RBFOX1: variants seen among roughly 807,000 people sequenced by gnomAD.
The protein encoded by RBFOX1 is RNA binding fox-1 homolog 1, also known as RNA binding protein fox-1 homolog 1.
RBFOX1 carries 8 observed loss-of-function variants against 57.7 expected under a neutral mutation model. The observed-to-expected ratio is 0.14, with a 90% CI of 0.08 to 0.25. The LOEUF is 0.25. Ranked by LOEUF, RBFOX1 falls within the 10% of genes least tolerant of loss-of-function variation. The pLI is 1.00. For missense variants in RBFOX1, 611 were observed against 548.5 expected, an observed-to-expected ratio of 1.11 and a Z score of -1.14; for synonymous variants, 326 against 222.4, an observed-to-expected ratio of 1.47 and a Z score of -4.15.
chr16:6,905,866 C>T (rs957266907), intron 3 of RBFOX1, among the ~76,000 whole-genome samples: 1 of 152,206 alleles, frequency 6.6e-6, no homozygotes, highest in Admixed American at 6.5e-5. Flanking sequence ...CCCTGGCCCT[C>T]TGCTGATCCC....
chr16:6,512,460 G>A (rs1567508153), intron 2 of RBFOX1, among the ~76,000 whole-genome samples: 1 of 152,130 alleles, frequency 6.6e-6, no homozygotes, highest in African/African-American at 2.4e-5. Context: ...ATAGGTCATG[G>A]AGTTGAGGGG....
intron 4 of RBFOX1, among the ~76,000 whole-genome samples, chr16:5,907,941 G>A: frequency 6.6e-6 from 1 of 151,630 alleles, no homozygotes; most frequent in East Asian, 1.9e-4. Flanking sequence ...AGTAGAGACT[G>A]GATTTCACTA....
At chr16:6,637,501 ATAT>A (rs200965770) in intron 2 of RBFOX1, among the ~76,000 whole-genome samples, 56,335 of 93,082 alleles carry the variant, frequency 0.61, 18,427 homozygotes, top group South Asian at 0.83. Context: ...ATTATATATA[ATAT>A]TCTATATAGT....
At chr16:5,562,222 C>T (rs78921368) in intron 2 of RBFOX1, among the ~76,000 whole-genome samples, 2,565 of 152,236 alleles carry the variant, frequency 0.017, 83 homozygotes, top group African/African-American at 0.058. Flanking sequence ...TCCGAGGACA[C>T]CATCCGTGGC....
chr16:7,149,953 T>C (rs890068280), intron 4 of RBFOX1, among the ~76,000 whole-genome samples: 1 of 152,194 alleles, frequency 6.6e-6, no homozygotes, highest in Non-Finnish European at 1.5e-5. Flanking sequence ...TGCCATGTTT[T>C]TCTCATACTC....
chr16:6,778,386 C>T (rs922648926), intron 3 of RBFOX1, among the ~76,000 whole-genome samples: 1 of 152,134 alleles, frequency 6.6e-6, no homozygotes, highest in African/African-American at 2.4e-5. Flanking sequence ...TATATCCCCA[C>T]TTGTTTTCTC....
In RBFOX1 at chr16:6,021,431, G is replaced by A. The variant is rs542272382; in HGVS notation, c.-127+1439G>A. Among the ~76,000 whole-genome samples the A allele has an allele frequency of 3.4e-3, 512 of 152,260 alleles. 2 individuals carry two copies. Among genetic ancestry groups the A allele is most frequent in the Admixed American group, 6.3e-3 (96 of 15,292 alleles). On this transcript the variant is annotated intron_variant, in intron 1 of 15. Coordinates refer to ENST00000550418, the MANE Select transcript of RBFOX1 (RefSeq NM_018723.4). ...GAGGCCCCGGCTGGAGCTACTGGCA[G>A]ATTTATTTTTAGCTAAGATCTTTTA...
intron 4 of RBFOX1, among the ~76,000 whole-genome samples, chr16:7,194,740 G>A (rs952246163): frequency 1.3e-4 from 19 of 150,794 alleles, no homozygotes; most frequent in African/African-American, 4.2e-4. Flanking sequence ...CCAGCCTGGG[G>A]AATATAGTCA....
intron 4 of RBFOX1, among the ~76,000 whole-genome samples, chr16:5,954,262 C>T (rs72770950): frequency 2.6e-5 from 4 of 151,968 alleles, no homozygotes; most frequent in African/African-American, 7.2e-5. Flanking sequence ...TTGTGACAGA[C>T]CCCCACCCAC....
intron 4 of RBFOX1, among the ~76,000 whole-genome samples, chr16:7,177,777 T>G (rs1179709329): frequency 6.6e-6 from 1 of 152,202 alleles, no homozygotes; most frequent in Non-Finnish European, 1.5e-5. Flanking sequence ...ACTCCTCAAC[T>G]CTTCTGTTGT....
intron 4 of RBFOX1, among the ~76,000 whole-genome samples, chr16:7,183,738 G>C (rs971667086): frequency 1.3e-5 from 2 of 152,192 alleles, no homozygotes; most frequent in African/African-American, 2.4e-5. Flanking sequence ...TAGGCTTACT[G>C]TCAGAACAAA....
intron 3 of RBFOX1, among the ~76,000 whole-genome samples, chr16:5,639,472 A>G (rs2048791059): frequency 6.6e-6 from 1 of 152,174 alleles, no homozygotes; most frequent in Non-Finnish European, 1.5e-5. Context: ...GGAAAGTGAG[A>G]AGGCCTCGGA....
chr16:6,862,227 T>A (rs962325515), intron 3 of RBFOX1, among the ~76,000 whole-genome samples: 1 of 152,118 alleles, frequency 6.6e-6, no homozygotes, highest in Non-Finnish European at 1.5e-5. Flanking sequence ...TCTAGAGAGT[T>A]ATTGCACATA....
At chr16:5,802,663 C>G (rs1375517612) in intron 3 of RBFOX1, among the ~76,000 whole-genome samples, 1 of 152,152 alleles carries the variant, frequency 6.6e-6, no homozygotes, top group Non-Finnish European at 1.5e-5. Context: ...GATTTCTTCC[C>G]TTTATAGGGA....
intron 4 of RBFOX1, among the ~76,000 whole-genome samples, chr16:5,925,356 G>A (rs1036051973): frequency 6.6e-6 from 1 of 152,182 alleles, no homozygotes; most frequent in Non-Finnish European, 1.5e-5. Context: ...CCAAGCTACA[G>A]TGTAGATGAA....
chr16:6,547,142 T>C (rs943439390), intron 2 of RBFOX1, among the ~76,000 whole-genome samples: 3 of 152,246 alleles, frequency 2.0e-5, no homozygotes, highest in African/African-American at 7.2e-5. Context: ...TTTACTAAGA[T>C]GCAAGCCATT....
chr16:6,822,842 T>G lies in RBFOX1; in HGVS notation c.-16+168192T>G, dbSNP rs769422773. On this transcript the variant is annotated intron_variant, in intron 3 of 15. Coordinates refer to ENST00000550418, the MANE Select transcript of RBFOX1 (RefSeq NM_018723.4). The stretch of plus-strand genomic sequence containing the variant: ...TTGAGAGCAATAGCTGAATCTTAGA[T>G]CTCTTTGTGCCTTAAAATGCCTGGA... Among the ~76,000 whole-genome samples the G allele has an allele frequency of 3.9e-5, 6 of 152,134 alleles. 1 individual carries two copies. The highest frequency in any genetic ancestry group is 8.8e-5 in the Non-Finnish European group (6 of 68,022).
chr16:6,898,919 G>A (rs904766531), intron 3 of RBFOX1, among the ~76,000 whole-genome samples: 27 of 151,266 alleles, frequency 1.8e-4, no homozygotes, highest in African/African-American at 5.6e-4. Flanking sequence ...TTGTGCATAT[G>A]TGTATATGTG....
At chr16:5,867,334 A>G in exon 4 of RBFOX1, 2 of 1,206,440 alleles carry the variant, frequency 1.7e-6, no homozygotes, top group Non-Finnish European at 2.1e-6. Flanking sequence ...GGCAAAGCTG[A>G]GGTAGGAAAC....
Sources: allele counts gnomAD v4.1 joint callset (sites outside exome capture counted in the v4.1 genomes callset), GRCh38; gene constraint gnomAD v4.1.1; transcripts MANE v1.5; gene names NCBI Gene and HGNC (gene_info 2026-07-23, HGNC 2026-07-21).